NTN4: variants seen among roughly 807,000 people sequenced by gnomAD.
NTN4 encodes the protein netrin-4.
In NTN4, 32 loss-of-function variants were observed where a neutral mutation model predicts 73.6. The observed-to-expected ratio is 0.44, with a 90% CI of 0.33 to 0.58. NTN4 has a LOEUF of 0.58. Ranked by LOEUF, NTN4 falls within the 20% of genes least tolerant of loss-of-function variation. The pLI is 0.04. For synonymous variants in NTN4, 258 were observed against 287.5 expected, an observed-to-expected ratio of 0.90 and a Z score of 1.04; for missense variants, 654 against 798.3, an observed-to-expected ratio of 0.82 and a Z score of 2.18.
chr12:95,699,135 G>A lies in NTN4; in HGVS notation c.1180+11306C>T, dbSNP rs556871768. On this transcript the variant is annotated intron_variant, in intron 5 of 9. Coordinates refer to ENST00000343702, the MANE Select transcript of NTN4 (RefSeq NM_021229.4). ...AGTTACTTCATATTGATTCTATGCT[G>A]GAATCATTCACAGTTGCTTTCAATA... Among the ~76,000 whole-genome samples the A allele has an allele frequency of 3.3e-5, 5 of 151,900 alleles. No homozygotes were observed. The South Asian group carries it at 8.3e-4, about 25-fold the overall frequency.
intron 8 of NTN4, among the ~76,000 whole-genome samples, chr12:95,668,471 C>CAG (rs2078200280): frequency 6.6e-6 from 1 of 151,772 alleles, no homozygotes; most frequent in Admixed American, 6.6e-5. Flanking sequence ...CTGTACATTT[C>CAG]AAGTTTTCTT....
chr12:95,734,667 T>C (rs982250601), intron 3 of NTN4, among the ~76,000 whole-genome samples: 2 of 152,234 alleles, frequency 1.3e-5, no homozygotes, highest in African/African-American at 4.8e-5. Flanking sequence ...ACAATTAATC[T>C]ATGCCTATGT....
chr12:95,767,521 T>C (rs10859943), intron 2 of NTN4, among the ~76,000 whole-genome samples: 73,810 of 152,048 alleles, frequency 0.49, 18,299 homozygotes, highest in African/African-American at 0.54. Context: ...GCAGTGCTTA[T>C]GGAGAGAAAG....
intron 2 of NTN4, chr12:95,739,805 C>T (rs2078809920): frequency 6.6e-6 from 1 of 152,242 alleles, no homozygotes; most frequent in African/African-American, 2.4e-5. Flanking sequence ...GCCTCGGTGG[C>T]AACTGTTTGG....
chr12:95,672,183 C>G, intron 7 of NTN4: 1 of 520,638 alleles, frequency 1.9e-6, no homozygotes, highest in South Asian at 2.0e-5. Flanking sequence ...TTGTCGAGCA[C>G]GCAGGCGCAA....
At chr12:95,771,255 C>T (rs1198514341) in intron 2 of NTN4, among the ~76,000 whole-genome samples, 2 of 152,178 alleles carry the variant, frequency 1.3e-5, no homozygotes, top group African/African-American at 4.8e-5. Context: ...TCCCAAAGTG[C>T]TGGGATTACA....
At chr12:95,787,951 T>C (rs1359648536) in intron 1 of NTN4, among the ~76,000 whole-genome samples, 3 of 152,200 alleles carry the variant, frequency 2.0e-5, no homozygotes, top group Non-Finnish European at 4.4e-5. Context: ...TGATTTAACA[T>C]GTTTATTATG....
intron 3 of NTN4, among the ~76,000 whole-genome samples, chr12:95,736,029 C>T (rs1040742770): frequency 2.6e-5 from 4 of 151,832 alleles, no homozygotes; most frequent in Non-Finnish European, 4.4e-5. Flanking sequence ...ACCTCCGCCT[C>T]CCAGGTTCAA....
Position 95,775,821 on chromosome 12 carries a change from T to C in NTN4, c.585+11118A>G, listed in dbSNP as rs186246007. On this transcript the variant is annotated intron_variant, in intron 2 of 9. Coordinates refer to ENST00000343702, the MANE Select transcript of NTN4 (RefSeq NM_021229.4). ...ACTTAAATGTCCCTGTCTGACAGCT[T>C]TGAAGAGAGTAGTGGTTCTCCCAGC... Among the ~76,000 whole-genome samples the C allele has an allele frequency of 6.3e-3, 966 of 152,270 alleles. 12 individuals carry two copies. Among genetic ancestry groups the C allele is most frequent in the Middle Eastern group, 0.02 (6 of 294 alleles).
intron 5 of NTN4, among the ~76,000 whole-genome samples, chr12:95,693,647 C>T (rs1351386829): frequency 6.7e-6 from 1 of 150,058 alleles, no homozygotes; most frequent in Non-Finnish European, 1.5e-5. Context: ...AGGAGAATCG[C>T]TTGAACCTGG....
chr12:95,747,096 T>C (rs1312389515), intron 2 of NTN4, among the ~76,000 whole-genome samples: 2 of 152,144 alleles, frequency 1.3e-5, no homozygotes, highest in Non-Finnish European at 2.9e-5. Context: ...GCATATTGGA[T>C]GTTTTATAAT....
chr12:95,777,231 T>G (rs1419227068), intron 2 of NTN4, among the ~76,000 whole-genome samples: 1 of 152,086 alleles, frequency 6.6e-6, no homozygotes, highest in African/African-American at 2.4e-5. Flanking sequence ...AGACCATCAA[T>G]GCTAGGAAGA....
chr12:95,701,219 C>A (rs2078482574), intron 5 of NTN4, among the ~76,000 whole-genome samples: 2 of 152,206 alleles, frequency 1.3e-5, no homozygotes, highest in Non-Finnish European at 2.9e-5. Context: ...CTAAAAGAGA[C>A]TATCCACTTT....
chr12:95,668,688 T>C lies in NTN4; in HGVS notation c.1579+1390A>G, dbSNP rs146006079. ...TGTATATTTCAGGCCATATATATTA[T>C]AGACCAATAAAAAGTCTCAGGCTGG... On this transcript the variant is annotated intron_variant, in intron 8 of 9. Coordinates refer to ENST00000343702, the MANE Select transcript of NTN4 (RefSeq NM_021229.4). Among the ~76,000 whole-genome samples, 297 of 152,342 alleles carry C rather than the reference T, an allele frequency of 1.9e-3. 1 individual carries two copies. Among genetic ancestry groups the C allele is most frequent in the South Asian group, 0.013 (65 of 4,828 alleles).
intron 2 of NTN4, 88 bp from the exon 3 acceptor site, chr12:95,738,232 G>A (rs1330935779): frequency 3.3e-6 from 4 of 1,209,248 alleles, no homozygotes; most frequent in Non-Finnish European, 4.7e-6. Context: ...TTTGATTTAT[G>A]CCTTATGTCA....
chr12:95,714,806 G>A (rs985465648), intron 3 of NTN4, among the ~76,000 whole-genome samples: 5 of 152,248 alleles, frequency 3.3e-5, no homozygotes, highest in African/African-American at 9.6e-5. Flanking sequence ...AAGGTGTAAG[G>A]AGAATCTGTG....
intron 3 of NTN4, among the ~76,000 whole-genome samples, chr12:95,717,583 C>T (rs2078615917): frequency 6.6e-6 from 1 of 150,816 alleles, no homozygotes; most frequent in Admixed American, 6.6e-5. Flanking sequence ...CTCAGCAATA[C>T]AACTGTTGCT....
chr12:95,715,884 A>G (rs1030140480), intron 3 of NTN4, among the ~76,000 whole-genome samples: 1 of 152,144 alleles, frequency 6.6e-6, no homozygotes, highest in Admixed American at 6.6e-5. Flanking sequence ...GGAAAAGTTG[A>G]TGATTCTTTG....
intron 2 of NTN4, among the ~76,000 whole-genome samples, chr12:95,773,568 G>A (rs534650693): frequency 6.6e-6 from 1 of 152,166 alleles, no homozygotes; most frequent in Non-Finnish European, 1.5e-5. Context: ...CAGACTGGAA[G>A]GTGCCAGGCG....
Sources: allele counts gnomAD v4.1 joint callset (sites outside exome capture counted in the v4.1 genomes callset), GRCh38; gene constraint gnomAD v4.1.1; transcripts MANE v1.5; gene names NCBI Gene and HGNC (gene_info 2026-07-23, HGNC 2026-07-21).